COG7: variants seen among roughly 807,000 people sequenced by gnomAD.
COG7 encodes the protein conserved oligomeric Golgi complex subunit 7.
A neutral mutation model predicts 91.5 loss-of-function variants in COG7; 49 were observed. That is an observed-to-expected ratio of 0.54 (90% CI 0.43 to 0.68). COG7 has a LOEUF of 0.68. Among genes scored for constraint, COG7 ranks in the 30% least tolerant of loss-of-function variants. The pLI is 0.00. For missense variants in COG7, 895 were observed against 961.3 expected, an observed-to-expected ratio of 0.93 and a Z score of 0.91; for synonymous variants, 365 against 388.7, an observed-to-expected ratio of 0.94 and a Z score of 0.72.
rs765448683 is a variant in COG7, at chr16:23,388,779, C to T, written c.*141G>A. The T allele has an allele frequency of 1.0e-4, 151 of 1,448,088 alleles. No individual in the cohort carries two copies. In the Middle Eastern group the frequency reaches 1.6e-3, roughly 15 times the overall value. 89.7% of individuals were successfully genotyped at this position (1,448,088 alleles called of 1,614,324 possible). On this transcript the variant is annotated 3_prime_UTR_variant, in exon 17 of 17. Coordinates refer to ENST00000307149, the MANE Select transcript of COG7 (RefSeq NM_153603.4). ...CCTCCCAAAGTGCTGGGATTACAGG[C>T]GTGAGCCACCGTGACCAGCTGAACC... is the stretch of plus-strand genomic sequence containing the variant.
Position 23,393,226 on chromosome 16 carries a change from C to G in COG7, c.2002+7G>C. ...TTGTAACATCGCCAGAAACGGTCCCCGCTTACCCTGCTCAGGAGGAAATGG... is the reference window on the plus strand; with the variant it reads ...TTGTAACATCGCCAGAAACGGTCCCGGCTTACCCTGCTCAGGAGGAAATGG... On this transcript the variant is annotated splice_region_variant and intron_variant, in intron 15 of 16. Transcript: ENST00000307149. The G allele has an allele frequency of 6.2e-7, 1 of 1,607,658 alleles. No homozygotes were observed. The highest frequency in any genetic ancestry group is 2.2e-5 in the East Asian group (1 of 44,838).
intron 4 of COG7, among the ~76,000 whole-genome samples, chr16:23,438,781 C>A (rs1964052269): frequency 6.6e-6 from 1 of 151,620 alleles, no homozygotes; most frequent in African/African-American, 2.4e-5. Flanking sequence ...GAAATTGGAA[C>A]CCTTGTGCAT....
intron 1 of COG7, among the ~76,000 whole-genome samples, chr16:23,452,379 C>A (rs1187038360): frequency 6.6e-6 from 1 of 152,128 alleles, no homozygotes; most frequent in East Asian, 1.9e-4. Flanking sequence ...ACCAGCCTGG[C>A]AACACAGTGA....
At chr16:23,419,905 G>A (rs1963727106) in intron 7 of COG7, among the ~76,000 whole-genome samples, 1 of 152,030 alleles carries the variant, frequency 6.6e-6, no homozygotes, top group African/African-American at 2.4e-5. Flanking sequence ...GGGAGGCCGA[G>A]GTGAGCGGAT....
intron 1 of COG7, among the ~76,000 whole-genome samples, chr16:23,450,872 G>C (rs1021808723): frequency 6.6e-6 from 1 of 151,616 alleles, no homozygotes; most frequent in Non-Finnish European, 1.5e-5. Context: ...CAGTGAAATA[G>C]AGCCCCCTCC....
chr16:23,448,219 C>G (rs1372173662), intron 1 of COG7, among the ~76,000 whole-genome samples: 1 of 152,148 alleles, frequency 6.6e-6, no homozygotes, highest in Non-Finnish European at 1.5e-5. Flanking sequence ...AAGCCAAACT[C>G]CCAAGGCTGG....
At chr16:23,423,973 C>T (rs1391768696) in intron 7 of COG7, among the ~76,000 whole-genome samples, 1 of 152,204 alleles carries the variant, frequency 6.6e-6, no homozygotes, top group Non-Finnish European at 1.5e-5. Flanking sequence ...AACACAGCTC[C>T]CCTGCCCTGG....
intron 6 of COG7, among the ~76,000 whole-genome samples, chr16:23,426,535 T>C (rs1420511054): frequency 1.3e-5 from 2 of 152,084 alleles, no homozygotes. Flanking sequence ...TTTTTTAAAA[T>C]GAATCAATGT....
chr16:23,406,155 G>A lies in COG7; in HGVS notation c.1583C>T (p.Pro528Leu), dbSNP rs1963457324. The A allele has an allele frequency of 6.2e-7, 1 of 1,613,952 alleles. No homozygotes were observed. The highest frequency in any genetic ancestry group is 8.5e-7 in the Non-Finnish European group (1 of 1,179,974). The change falls in exon 12 of 17, where the codon CCA becomes CTA. Residue 528 changes from proline (P) to leucine (L), a missense_variant. Physicochemically the swap from Pro to Leu is moderately conservative, Grantham distance 98. Transcript: ENST00000307149. Reference protein sequence around the residue: ...LTDKKNSAKNPWQEYNYLQKD... With the variant: ...LTDKKNSAKNLWQEYNYLQKD... ...CTGGAGGTAATTATATTCTTGCCAT[G>A]GGTTCTTGGCAGAGTTCTTCTTGTC... is the stretch of plus-strand genomic sequence containing the variant.
Position 23,434,725 on chromosome 16 carries a change from A to T in COG7, c.605-7T>A. The T allele has an allele frequency of 6.3e-7, 1 of 1,597,334 alleles. No homozygotes were observed. Among genetic ancestry groups the T allele is most frequent in the Admixed American group, 1.7e-5 (1 of 59,998 alleles). On this transcript the variant is annotated splice_polypyrimidine_tract_variant and splice_region_variant and intron_variant, in intron 4 of 16. Transcript: ENST00000307149. ...ACAAACACTTTGGACTGATCTAAAGAACATACAATGTATATATACTGTTAC... is the reference window on the plus strand; with the variant it reads ...ACAAACACTTTGGACTGATCTAAAGTACATACAATGTATATATACTGTTAC...
chr16:23,446,036 G>A (rs1052482986), intron 1 of COG7, 75 bp from the exon 2 acceptor site: 28 of 1,512,656 alleles, frequency 1.9e-5, no homozygotes, highest in Non-Finnish European at 2.5e-5. Context: ...CCAGCCACCA[G>A]TAAAATACAG....
At chr16:23,435,272 G>A (rs1197395633) in intron 4 of COG7, among the ~76,000 whole-genome samples, 1 of 151,966 alleles carries the variant, frequency 6.6e-6, no homozygotes, top group Non-Finnish European at 1.5e-5. Flanking sequence ...GAGGCTGAGG[G>A]AGGAGAATTG....
At chr16:23,415,909 T>A (rs541557274) in intron 9 of COG7, 2 of 152,330 alleles carry the variant, frequency 1.3e-5, no homozygotes, top group East Asian at 3.9e-4. Flanking sequence ...CCTGATTTTA[T>A]AAGCATCAGC....
chr16:23,406,364 T>C (rs887638809), intron 11 of COG7, 102 bp from the exon 12 acceptor site: 13 of 1,003,228 alleles, frequency 1.3e-5, no homozygotes, highest in Middle Eastern at 2.1e-4. Flanking sequence ...ATAATCCTCA[T>C]GAGACAGACT....
intron 6 of COG7, among the ~76,000 whole-genome samples, chr16:23,432,469 T>C (rs538676251): frequency 1.3e-5 from 2 of 152,014 alleles, no homozygotes; most frequent in Admixed American, 6.6e-5. Context: ...CTGAGTGCTA[T>C]TGAAAATCAG....
chr16:23,408,040 G>A (rs1963491129), intron 11 of COG7, among the ~76,000 whole-genome samples: 1 of 141,384 alleles, frequency 7.1e-6, no homozygotes, highest in African/African-American at 2.7e-5. Context: ...ACCTAGCTCA[G>A]AGCCCAGGAA....
chr16:23,391,675 C>T (rs1004921206), intron 16 of COG7, among the ~76,000 whole-genome samples: 1 of 152,224 alleles, frequency 6.6e-6, no homozygotes, highest in Non-Finnish European at 1.5e-5. Flanking sequence ...CTGACCACCC[C>T]GAGAGGTGCG....
At chr16:23,411,225 C>T (rs1398935843) in intron 10 of COG7, among the ~76,000 whole-genome samples, 1 of 152,132 alleles carries the variant, frequency 6.6e-6, no homozygotes, top group Non-Finnish European at 1.5e-5. Context: ...TTATGCCAAG[C>T]CTCAAACTCC....
intron 4 of COG7, among the ~76,000 whole-genome samples, chr16:23,435,037 A>G (rs993039366): frequency 5.3e-5 from 8 of 152,202 alleles, no homozygotes; most frequent in African/African-American, 1.9e-4. Context: ...CTGAACTGCT[A>G]TATGTCAACA....
Sources: gnomAD v4.1 joint callset for allele counts (sites outside exome capture counted in the v4.1 genomes callset) on GRCh38, gnomAD v4.1.1 for gene constraint, MANE v1.5 for transcripts, NCBI Gene and HGNC (gene_info 2026-07-23, HGNC 2026-07-21) for gene names.